CHD9: variants seen among roughly 807,000 people sequenced by gnomAD.
CHD9 encodes the protein ATP-dependent chromatin remodeler CHD9.
A neutral mutation model predicts 316.1 loss-of-function variants in CHD9; 77 were observed. The ratio of observed to expected loss-of-function variants is 0.24; its 90% CI spans 0.20 to 0.29. CHD9 has a LOEUF of 0.29. CHD9 is among the 10% of genes least tolerant of loss of function. CHD9 has a pLI of 1.00. For synonymous variants in CHD9, 1,129 were observed against 1,158.3 expected (o/e 0.97, Z 0.51); for missense variants, 2,763 against 3,438.1 (o/e 0.80, Z 4.91).
At chr16:53,249,775 C>A in intron 16 of CHD9, 96 bp from the exon 17 acceptor site, 1 of 962,214 alleles carries the variant, frequency 1.0e-6, no homozygotes, top group East Asian at 2.6e-5. Context: ...TTAGAGAAAA[C>A]ATAATGCTGC....
At chr16:53,276,006 C>G (rs915822809) in intron 24 of CHD9, among the ~76,000 whole-genome samples, 12 of 152,202 alleles carry the variant, frequency 7.9e-5, no homozygotes, top group African/African-American at 2.7e-4. Context: ...ATCCTTCCTT[C>G]TAACTCACTT....
intron 1 of CHD9, among the ~76,000 whole-genome samples, chr16:53,123,954 A>G (rs2038860072): frequency 6.6e-6 from 1 of 152,178 alleles, no homozygotes; most frequent in African/African-American, 2.4e-5. Context: ...ATGGCTGAAT[A>G]ACATTCCAGT....
intron 1 of CHD9, among the ~76,000 whole-genome samples, chr16:53,060,279 G>A (rs573381991): frequency 1.1e-4 from 17 of 152,284 alleles, no homozygotes; most frequent in African/African-American, 4.1e-4. Flanking sequence ...GCTGTAGTTT[G>A]CTGACTCCTG....
At chr16:53,230,118 T>C (rs1045018601) in intron 8 of CHD9, among the ~76,000 whole-genome samples, 3 of 152,092 alleles carry the variant, frequency 2.0e-5, no homozygotes, top group African/African-American at 7.2e-5. Flanking sequence ...CAGTTTGGGG[T>C]TGTATGAAGT....
intron 1 of CHD9, among the ~76,000 whole-genome samples, chr16:53,143,042 T>C (rs1003658297): frequency 2.0e-5 from 3 of 152,180 alleles, no homozygotes; most frequent in African/African-American, 7.2e-5. Context: ...ACTATCTTGA[T>C]GACTAACCTA....
chr16:53,245,166 C>T lies in CHD9; in HGVS notation c.3055-170C>T, dbSNP rs1056571479. 2.6e-5 allele frequency among the ~76,000 whole-genome samples: 4 copies of T among 151,678 alleles called. No individual in the cohort carries two copies. The highest frequency in any genetic ancestry group is 7.3e-5 in the African/African-American group (3 of 41,216). ...CCTGGGTGTCACAGCAAGACCTTGT[C>T]TCTAAACAAACAAACAAATATATAT... On this transcript the variant is annotated intron_variant, in intron 13 of 38. Coordinates refer to ENST00000447540, the MANE Select transcript of CHD9 (RefSeq NM_001308319.2). This position sits in a 1 kb window ranked among gnomAD's most constrained non-coding sequence, Gnocchi z 4.1.
At chr16:53,311,613 G>C (rs2056481725) in intron 34 of CHD9, 2 of 152,190 alleles carry the variant, frequency 1.3e-5, no homozygotes, top group South Asian at 4.1e-4. Context: ...AAAGCCTTGA[G>C]TAAAGATACC....
At chr16:53,142,577 G>A (rs990959291) in intron 1 of CHD9, among the ~76,000 whole-genome samples, 1 of 152,226 alleles carries the variant, frequency 6.6e-6, no homozygotes, top group African/African-American at 2.4e-5. Context: ...AAAGAGCTGG[G>A]ATTACAGGCA....
At chr16:53,189,987 A>C (rs2044350095) in intron 2 of CHD9, among the ~76,000 whole-genome samples, 1 of 152,088 alleles carries the variant, frequency 6.6e-6, no homozygotes, top group Admixed American at 6.5e-5. Context: ...TCAACCTCTT[A>C]TTTAAAATAC....
At chr16:53,318,693 CACAAGGAGAA>C (rs2057057862) in intron 37 of CHD9, among the ~76,000 whole-genome samples, 2 of 152,092 alleles carry the variant, frequency 1.3e-5, no homozygotes, top group Non-Finnish European at 2.9e-5. Flanking sequence ...CTTTGGTAGC[CACAAGGAGAA>C]GATGCTACTG....
In CHD9 at chr16:53,243,845, A is replaced by T. The variant is rs368970433; in HGVS notation, c.3054+829A>T. Reference sequence around the variant, plus strand: ...TTAAACATTTTGATTTTTAATTAAGATCACATAATTATTACATGAGCACTT... The same window carrying T: ...TTAAACATTTTGATTTTTAATTAAGTTCACATAATTATTACATGAGCACTT... On this transcript the variant is annotated intron_variant, in intron 13 of 38. Coordinates refer to ENST00000447540, the MANE Select transcript of CHD9 (RefSeq NM_001308319.2). 9.8e-5 allele frequency among the ~76,000 whole-genome samples: 15 copies of T among 152,336 alleles called. No individual in the cohort carries two copies. In the South Asian group the frequency reaches 1.7e-3, roughly 17 times the overall value.
chr16:53,170,411 A>C (rs762877705), intron 2 of CHD9, among the ~76,000 whole-genome samples: 1 of 152,066 alleles, frequency 6.6e-6, no homozygotes, highest in Non-Finnish European at 1.5e-5. Flanking sequence ...TGTCAAGCCA[A>C]CTCTGTGCTA....
At chr16:53,152,101 T>A (rs980066097) in intron 1 of CHD9, among the ~76,000 whole-genome samples, 1 of 152,114 alleles carries the variant, frequency 6.6e-6, no homozygotes, top group Non-Finnish European at 1.5e-5. Flanking sequence ...ATTTACCCCC[T>A]CCCTTAGCAT....
chr16:53,211,067 A>G (rs966356310), intron 3 of CHD9, among the ~76,000 whole-genome samples: 1 of 152,068 alleles, frequency 6.6e-6, no homozygotes, highest in African/African-American at 2.4e-5. Context: ...ACCAAAATTT[A>G]ATATAATTAA....
At chr16:53,239,224 C>G (rs1271801070) in intron 12 of CHD9, among the ~76,000 whole-genome samples, 6 of 151,938 alleles carry the variant, frequency 3.9e-5, no homozygotes, top group African/African-American at 1.5e-4. Flanking sequence ...TTTCCTATCC[C>G]TTCTAAATAC....
At position 53,254,552 on chromosome 16, in the gene CHD9, C is replaced by G; in HGVS notation, c.3976C>G (p.Leu1326Val). The G allele has an allele frequency of 6.2e-7, 1 of 1,612,848 alleles. No homozygotes were observed. Among genetic ancestry groups the G allele is most frequent in the Non-Finnish European group, 8.5e-7 (1 of 1,179,296 alleles). ...TGACCGAGCCAGTTTGAAACTGGGC[C>G]TAGATAAAGCTGTGTTACAGAGCAT... is the stretch of plus-strand genomic sequence containing the variant. ...MFDRASLKLG[L>V]DKAVLQSMSG... The change falls in exon 18 of 39, where the codon CTA (leucine) becomes GTA (valine). Residue 1326 changes from leucine to valine, a missense_variant. By Grantham distance (32) the Leu-to-Val change is conservative. Coordinates refer to ENST00000447540, the MANE Select transcript of CHD9 (RefSeq NM_001308319.2).
At chr16:53,135,612 G>C (rs780327139) in intron 1 of CHD9, among the ~76,000 whole-genome samples, 5 of 152,132 alleles carry the variant, frequency 3.3e-5, no homozygotes, top group Non-Finnish European at 7.4e-5. Context: ...AGATGAAGAA[G>C]ATGAGGGAAA....
At chr16:53,321,248 ACTAGG>A in intron 37 of CHD9, 2 of 1,345,592 alleles carry the variant, frequency 1.5e-6, no homozygotes, top group Non-Finnish European at 1.9e-6. Flanking sequence ...TGTACTTTTA[ACTAGG>A]CTATATGGCC....
At chr16:53,221,348 G>A (rs930435688) in intron 3 of CHD9, among the ~76,000 whole-genome samples, 2 of 152,142 alleles carry the variant, frequency 1.3e-5, no homozygotes, top group Non-Finnish European at 2.9e-5. Flanking sequence ...TTGACCCTGT[G>A]TTTTCAAAGT....
Sources: gnomAD v4.1 joint callset for allele counts (sites outside exome capture counted in the v4.1 genomes callset) on GRCh38, gnomAD v4.1.1 for gene constraint, Gnocchi (gnomAD v3.1) non-coding constraint, MANE v1.5 for transcripts, NCBI Gene and HGNC (gene_info 2026-07-23, HGNC 2026-07-21) for gene names.